Variants in ACSS3 observed in about 807,000 individuals in gnomAD.
ACSS3 encodes acyl-CoA synthetase short chain family member 3.
In ACSS3, 64 loss-of-function variants were observed where a neutral mutation model predicts 84.2. That is an observed-to-expected ratio of 0.76 (90% CI 0.62 to 0.94). The LOEUF (loss-of-function observed/expected upper bound fraction) is 0.94. Among genes scored for constraint, ACSS3 ranks in the 40% least tolerant of loss-of-function variants. The pLI is 0.00. For missense variants in ACSS3, 815 were observed against 867.6 expected, an observed-to-expected ratio of 0.94 and a Z score of 0.76; for synonymous variants, 317 against 310.1, an observed-to-expected ratio of 1.02 and a Z score of -0.23.
chr12:81,220,640 G>A (rs1193895876), intron 11 of ACSS3, among the ~76,000 whole-genome samples: 1 of 151,860 alleles, frequency 6.6e-6, no homozygotes, highest in Non-Finnish European at 1.5e-5. Context: ...TCATCATTAT[G>A]TCCATGTGTA....
chr12:81,234,387 AT>A (rs1459330071), intron 13 of ACSS3, among the ~76,000 whole-genome samples: 1 of 151,390 alleles, frequency 6.6e-6, no homozygotes, highest in African/African-American at 2.4e-5. Flanking sequence ...GTGTAAAAAA[AT>A]ATTTTATTTC....
Position 81,143,173 on chromosome 12 carries a change from C to T in ACSS3, c.847C>T (p.His283Tyr). ...WDEEMAKAQS[H>Y]DCVPVLSEHP... ...TGAAGAGATGGCAAAAGCCCAGTCA[C>T]ATGACTGTGTTCCTGTTCTTTCAGA... is the stretch of plus-strand genomic sequence containing the variant. The change falls in exon 5 of 16, where the codon CAT (histidine) becomes TAT (tyrosine). Residue 283 changes from histidine to tyrosine, a missense_variant. His to Tyr is a moderately conservative substitution (Grantham distance 83, BLOSUM62 2). Coordinates refer to ENST00000548058, the MANE Select transcript of ACSS3 (RefSeq NM_024560.4). 1 of 1,613,784 alleles carries T rather than the reference C, an allele frequency of 6.2e-7. No individual in the cohort carries two copies. Among genetic ancestry groups the T allele is most frequent in the Non-Finnish European group, 8.5e-7 (1 of 1,179,746 alleles).
chr12:81,189,947 G>A (rs1382863604), intron 8 of ACSS3, among the ~76,000 whole-genome samples: 1 of 151,934 alleles, frequency 6.6e-6, no homozygotes, highest in African/African-American at 2.4e-5. Context: ...TTTTCTCACT[G>A]CTGTGCAGCA....
intron 2 of ACSS3, among the ~76,000 whole-genome samples, chr12:81,110,058 C>A (rs1883448932): frequency 6.6e-6 from 1 of 152,196 alleles, no homozygotes; most frequent in Admixed American, 6.5e-5. Context: ...ACTGCCTTCC[C>A]TGTCACTAGG....
intron 8 of ACSS3, among the ~76,000 whole-genome samples, chr12:81,190,211 TAG>T (rs75397068): frequency 1.3e-5 from 2 of 151,864 alleles, no homozygotes; most frequent in Admixed American, 1.3e-4. Context: ...AACATAGAGA[TAG>T]AGAGAGAGAC....
At chr12:81,193,905 C>A (rs917908735) in intron 8 of ACSS3, among the ~76,000 whole-genome samples, 3 of 151,568 alleles carry the variant, frequency 2.0e-5, no homozygotes, top group Non-Finnish European at 3.0e-5. Context: ...ATTTACCATC[C>A]AGAGGGCCCA....
chr12:81,259,674 T>C lies in ACSS3; in HGVS notation c.*4752T>C. On this transcript the variant is annotated 3_prime_UTR_variant, in exon 16 of 16. Coordinates refer to ENST00000548058, the MANE Select transcript of ACSS3 (RefSeq NM_024560.4). Reference sequence around the variant, plus strand: ...AAAAGACGCCATCTAAAATATACAATGGATAGCATTAGTTCACTGAAAAGT... The same window carrying C: ...AAAAGACGCCATCTAAAATATACAACGGATAGCATTAGTTCACTGAAAAGT... 2 of 1,533,440 alleles carry C rather than the reference T, an allele frequency of 1.3e-6. No homozygotes were observed. The highest frequency in any genetic ancestry group is 1.7e-6 in the Non-Finnish European group (2 of 1,144,776). The allele number at this position is 1,533,440 out of a possible 1,614,324, so 95.0% of individuals were successfully genotyped here. A position where few individuals can be genotyped will look rare whatever the true frequency, so the allele number is the denominator to read the frequency against.
At chr12:81,093,627 T>C (rs1245580452) in intron 1 of ACSS3, among the ~76,000 whole-genome samples, 2 of 152,006 alleles carry the variant, frequency 1.3e-5, no homozygotes, top group East Asian at 1.9e-4. Context: ...GAAATAATTA[T>C]AGACTTACAA....
At chr12:81,178,285 AG>A (rs776948703) in intron 8 of ACSS3, among the ~76,000 whole-genome samples, 2 of 144,608 alleles carry the variant, frequency 1.4e-5, no homozygotes, top group Non-Finnish European at 3.0e-5. Flanking sequence ...GGACACAGGA[AG>A]GGGAACATCA....
At chr12:81,099,353 A>T (rs1882320518) in intron 1 of ACSS3, among the ~76,000 whole-genome samples, 2 of 152,194 alleles carry the variant, frequency 1.3e-5, no homozygotes, top group African/African-American at 4.8e-5. Flanking sequence ...TCATAACAGA[A>T]AGTAAATATA....
At chr12:81,250,857 A>T (rs149941300) in intron 13 of ACSS3, among the ~76,000 whole-genome samples, 5 of 152,274 alleles carry the variant, frequency 3.3e-5, no homozygotes, top group Admixed American at 3.3e-4. Flanking sequence ...TCTATATCCT[A>T]TCTGGTACAG....
rs113866741 is a variant in ACSS3, at chr12:81,149,237, A to G, written c.922-2607A>G. 2.1e-3 allele frequency among the ~76,000 whole-genome samples: 323 copies of G among 152,326 alleles called. 3 individuals are homozygous for G. Among genetic ancestry groups the G allele is most frequent in the African/African-American group, 7.4e-3 (307 of 41,582 alleles). ...GTAAAAGTGCTATTTTTAGTTTACA[A>G]CTAAATTTGCTTAGTTATAGTATAA... On this transcript the variant is annotated intron_variant, in intron 5 of 15. Coordinates refer to ENST00000548058, the MANE Select transcript of ACSS3 (RefSeq NM_024560.4).
intron 8 of ACSS3, among the ~76,000 whole-genome samples, chr12:81,176,366 C>T (rs904400606): frequency 3.3e-5 from 5 of 152,012 alleles, no homozygotes; most frequent in African/African-American, 1.2e-4. Context: ...ATCACGCAGT[C>T]GAGACCATCC....
chr12:81,092,143 T>C (rs1226847814), intron 1 of ACSS3, among the ~76,000 whole-genome samples: 2 of 152,166 alleles, frequency 1.3e-5, no homozygotes, highest in Non-Finnish European at 2.9e-5. Flanking sequence ...AAGTGGGTTT[T>C]ATTTTGTTTT....
intron 8 of ACSS3, among the ~76,000 whole-genome samples, chr12:81,186,710 A>G (rs933697398): frequency 1.3e-5 from 2 of 151,776 alleles, no homozygotes; most frequent in African/African-American, 4.8e-5. Flanking sequence ...AAAGATAACA[A>G]ATGTTGACAA....
intron 11 of ACSS3, among the ~76,000 whole-genome samples, chr12:81,223,192 T>A (rs1287309592): frequency 6.6e-6 from 1 of 151,984 alleles, no homozygotes; most frequent in Non-Finnish European, 1.5e-5. Context: ...ACAAACGTTT[T>A]CCTCTGACCA....
intron 13 of ACSS3, among the ~76,000 whole-genome samples, chr12:81,245,966 C>CGTTG (rs1244968332): frequency 2.0e-5 from 3 of 152,098 alleles, no homozygotes; most frequent in Non-Finnish European, 4.4e-5. Flanking sequence ...CCCACAGTTA[C>CGTTG]CAGGATTATT....
At chr12:81,145,769 A>G (rs1593125112) in intron 5 of ACSS3, among the ~76,000 whole-genome samples, 2 of 152,218 alleles carry the variant, frequency 1.3e-5, no homozygotes, top group Non-Finnish European at 2.9e-5. Flanking sequence ...TCTTCAGGAC[A>G]TTTAACATGA....
intron 1 of ACSS3, among the ~76,000 whole-genome samples, chr12:81,084,175 T>G (rs1881172317): frequency 6.6e-6 from 1 of 152,132 alleles, no homozygotes; most frequent in East Asian, 1.9e-4. Flanking sequence ...TTGCAGTGCC[T>G]CGTAAGGCAG....
Sources: allele counts gnomAD v4.1 joint callset (sites outside exome capture counted in the v4.1 genomes callset), GRCh38; gene constraint gnomAD v4.1.1; transcripts MANE v1.5; gene names NCBI Gene and HGNC (gene_info 2026-07-23, HGNC 2026-07-21).